KISS1R: variants seen among roughly 807,000 people sequenced by gnomAD.
The protein encoded by KISS1R is KISS1 receptor.
KISS1R carries 19 observed loss-of-function variants against 22.0 expected under a neutral mutation model. The observed-to-expected ratio is 0.86, with a 90% CI of 0.60 to 1.26. KISS1R has a LOEUF of 1.26. Among genes scored for constraint, KISS1R ranks in the 50% most tolerant of loss-of-function variants. KISS1R has a pLI of 0.00. For missense variants in KISS1R, 653 were observed against 581.9 expected, an observed-to-expected ratio of 1.12 and a Z score of -1.26; for synonymous variants, 302 against 283.9, an observed-to-expected ratio of 1.06 and a Z score of -0.64.
chr19:920,935 T>C lies in KISS1R; in HGVS notation c.*187T>C, dbSNP rs2037117315. 1.7e-6 allele frequency: 1 copy of C among 580,226 alleles called. No homozygotes were observed. Among genetic ancestry groups the C allele is most frequent in the Non-Finnish European group, 2.5e-6 (1 of 396,416 alleles). 35.9% of individuals were successfully genotyped at this position (580,226 alleles called of 1,614,324 possible). A position where few individuals can be genotyped will look rare whatever the true frequency, so the allele number is the denominator to read the frequency against. On this transcript the variant is annotated 3_prime_UTR_variant, in exon 5 of 5. Coordinates refer to ENST00000234371, the MANE Select transcript of KISS1R (RefSeq NM_032551.5). ...TGATATTGAAATTATGACTTCTGTG[T>C]TTCCTGAAATTAAACATGTGTCAAC...
In KISS1R at chr19:917,602, G is replaced by A; in HGVS notation, c.100G>A (p.Val34Ile). 6.4e-7 allele frequency: 1 copy of A among 1,559,894 alleles called. No homozygotes were observed. Among genetic ancestry groups the A allele is most frequent in the Non-Finnish European group, 8.7e-7 (1 of 1,155,642 alleles). ...TGGCGCCAACGCCTCGGACGGCCCA[G>A]TCCCTTCGCCGCGGGCCGTGGACGC... ...GCGANASDGPVPSPRAVDAWL... is the reference protein window; with the variant it reads ...GCGANASDGPIPSPRAVDAWL... The change falls in exon 1 of 5, where the codon GTC becomes ATC. Residue 34 changes from valine (V) to isoleucine (I), a missense_variant. Coordinates refer to ENST00000234371, the MANE Select transcript of KISS1R (RefSeq NM_032551.5).
In KISS1R at chr19:917,463, A is replaced by C. The variant is rs1001581233; in HGVS notation, c.-40A>C. Reference sequence around the variant, plus strand: ...GGTCCCCGGGGCGGTGCCAGGGCGCAATCCTGGAGGGCGGCCGGGAGGAGG... The same window carrying C: ...GGTCCCCGGGGCGGTGCCAGGGCGCCATCCTGGAGGGCGGCCGGGAGGAGG... On this transcript the variant is annotated 5_prime_UTR_variant, in exon 1 of 5. Coordinates refer to ENST00000234371, the MANE Select transcript of KISS1R (RefSeq NM_032551.5). 21 of 1,410,414 alleles carry C rather than the reference A, an allele frequency of 1.5e-5. No homozygotes were observed. In the Admixed American group the frequency reaches 4.6e-4, roughly 31 times the overall value. The allele number at this position is 1,410,414 out of a possible 1,614,324, so 87.4% of individuals were successfully genotyped here.
chr19:920,220 G>A, intron 4 of KISS1R, 70 bp from the exon 5 acceptor site: 1 of 1,528,418 alleles, frequency 6.5e-7, no homozygotes, highest in East Asian at 2.5e-5. Flanking sequence ...GTCCAGGAGG[G>A]GCGGTGCGAG....
chr19:918,536 C>T lies in KISS1R; in HGVS notation c.245-8C>T. The stretch of plus-strand genomic sequence containing the variant: ...CCCACGCCCAGCGCCCGCGCATCCC[C>T]ACCGCAGCCAACCTGGCGGCCACGG... On this transcript the variant is annotated splice_region_variant and splice_polypyrimidine_tract_variant and intron_variant, in intron 1 of 4. Transcript: ENST00000234371. The T allele has an allele frequency of 6.5e-7, 1 of 1,547,356 alleles. No homozygotes were observed. Among genetic ancestry groups the T allele is most frequent in the Non-Finnish European group, 8.7e-7 (1 of 1,146,834 alleles).
chr19:917,753 G>A lies in KISS1R; in HGVS notation c.244+7G>A. The A allele has an allele frequency of 6.3e-7, 1 of 1,595,516 alleles. No homozygotes were observed. Among genetic ancestry groups the A allele is most frequent in the Non-Finnish European group, 8.5e-7 (1 of 1,169,868 alleles). Reference sequence around the variant, plus strand: ...GTGACCAACTTCTACATCGGTGAGTGCGGGCGCTGCGCCGCACCTGCTGCC... The same window carrying A: ...GTGACCAACTTCTACATCGGTGAGTACGGGCGCTGCGCCGCACCTGCTGCC... On this transcript the variant is annotated splice_region_variant and intron_variant, in intron 1 of 4. Transcript: ENST00000234371.
At chr19:920,261 G>A in intron 4 of KISS1R, 29 bp from the exon 5 acceptor site, 1 of 1,560,626 alleles carries the variant, frequency 6.4e-7, no homozygotes. Flanking sequence ...CCAGCCTTTC[G>A]TCTAACCACC....
Position 917,718 on chromosome 19 carries a change from G to A in KISS1R, c.216G>A (p.Pro72=), listed in dbSNP as rs780363542. Residue 72 remains proline, a synonymous_variant, in exon 1 of 5, where the codon CCG becomes CCA. Transcript: ENST00000234371. ...LVIYVICRHK[P]MRTVTNFYIA... is the part of the protein sequence containing the mutation. ...TCTACGTCATCTGCCGCCACAAGCC[G>A]ATGCGGACCGTGACCAACTTCTACA... The A allele has an allele frequency of 3.9e-5, 62 of 1,606,784 alleles. No individual in the cohort carries two copies. The Admixed American group carries it at 9.9e-4, about 26-fold the overall frequency.
chr19:918,406 GGGGGA>G (rs200838864), intron 1 of KISS1R, 133 bp from the exon 2 acceptor site: 12,880 of 696,310 alleles, frequency 0.018, 4 homozygotes, highest in African/African-American at 0.027. Context: ...CAGGGGCGCT[GGGGGA>G]GGGGGGGGCC....
chr19:917,470 G>A lies in KISS1R; in HGVS notation c.-33G>A, dbSNP rs952187137. On this transcript the variant is annotated 5_prime_UTR_variant, in exon 1 of 5. Transcript: ENST00000234371. ...GGGGCGGTGCCAGGGCGCAATCCTG[G>A]AGGGCGGCCGGGAGGAGGAGGTGCG... 1.4e-6 allele frequency: 2 copies of A among 1,433,314 alleles called. No individual in the cohort carries two copies. Among genetic ancestry groups the A allele is most frequent in the East Asian group, 2.8e-5 (1 of 35,370 alleles). 88.8% of individuals were successfully genotyped at this position (1,433,314 alleles called of 1,614,324 possible). A position where few individuals can be genotyped will look rare whatever the true frequency, so the allele number is the denominator to read the frequency against.
rs530108557 is a variant in KISS1R, at chr19:919,048, G to A, written c.369+380G>A. On this transcript the variant is annotated intron_variant, in intron 2 of 4. Transcript: ENST00000234371. ...GAAGGGAGGACGGACCTTGGGCGGGGCGCGAGGCAACGCATAGGAGAACCA... is the reference window on the plus strand; with the variant it reads ...GAAGGGAGGACGGACCTTGGGCGGGACGCGAGGCAACGCATAGGAGAACCA... Among the ~76,000 whole-genome samples, 283 of 150,970 alleles carry A rather than the reference G, an allele frequency of 1.9e-3. 1 individual carries two copies. The highest frequency in any genetic ancestry group is 6.3e-3 in the African/African-American group (257 of 41,026).
intron 4 of KISS1R, 57 bp from the exon 5 acceptor site, chr19:920,233 G>T: frequency 6.5e-7 from 1 of 1,536,518 alleles, no homozygotes; most frequent in Admixed American, 1.9e-5. Context: ...GGTGCGAGGG[G>T]ATGAGCTGAG....
At position 919,928 on chromosome 19, in the gene KISS1R, C is replaced by T. The variant is rs1341328855; in HGVS notation, c.560C>T (p.Pro187Leu). Residue 187 changes from proline (P) to leucine (L), a missense_variant, in exon 4 of 5, where the codon CCG becomes CTG. Physicochemically the swap from Pro to Leu is moderately conservative, Grantham distance 98. Coordinates refer to ENST00000234371, the MANE Select transcript of KISS1R (RefSeq NM_032551.5). The part of the protein sequence containing the change: ...VLALHRLSPG[P>L]RAYCSEAFPS... ...GCCCTGCACCGCCTGTCACCCGGGC[C>T]GCGCGCCTACTGCAGTGAGGCCTTC... 10 of 1,561,176 alleles carry T rather than the reference C, an allele frequency of 6.4e-6. No homozygotes were observed. The South Asian group carries it at 9.3e-5, about 15-fold the overall frequency.
At position 919,865 on chromosome 19, in the gene KISS1R, G is replaced by C; in HGVS notation, c.506-9G>C. ...CCGAGCGGGGTCTTCATCCTGGCTT[G>C]TGGCACAGGCTCTGCGGCGGTGTCT... On this transcript the variant is annotated splice_polypyrimidine_tract_variant and intron_variant, in intron 3 of 4. Transcript: ENST00000234371. 1 of 1,536,882 alleles carries C rather than the reference G, an allele frequency of 6.5e-7. No homozygotes were observed. Among genetic ancestry groups the C allele is most frequent in the Non-Finnish European group, 8.7e-7 (1 of 1,146,386 alleles).
intron 1 of KISS1R, among the ~76,000 whole-genome samples, chr19:918,033 C>T (rs1350032930): frequency 6.6e-6 from 1 of 152,192 alleles, no homozygotes; most frequent in Admixed American, 6.5e-5. Context: ...CGCGGGCCAA[C>T]GGCTCGGTGT....
chr19:919,755 C>A (rs1255741855), intron 3 of KISS1R, 119 bp from the exon 4 acceptor site: 3 of 1,496,222 alleles, frequency 2.0e-6, no homozygotes, highest in East Asian at 2.5e-5. Context: ...CTAGGGCCAG[C>A]GAGGCTGCAG....
chr19:918,720 G>T, intron 2 of KISS1R, 52 bp downstream of exon 2: 3 of 1,529,366 alleles, frequency 2.0e-6, no homozygotes. Context: ...GGGCGGGGGT[G>T]CGCTCCGCAG....
chr19:917,398 T>G lies in KISS1R; in HGVS notation c.-105T>G. ...TGCGGACCCCAGCCGAGCCCCTTCC[T>G]GAGTTCCACAGGCGCAGCCCCCGGG... On this transcript the variant is annotated 5_prime_UTR_variant, in exon 1 of 5. Transcript: ENST00000234371. 2 of 1,305,420 alleles carry G rather than the reference T, an allele frequency of 1.5e-6. No individual in the cohort carries two copies. The highest frequency in any genetic ancestry group is 2.0e-6 in the Non-Finnish European group (2 of 1,013,390). The allele number at this position is 1,305,420 out of a possible 1,614,324, so 80.9% of individuals were successfully genotyped here.
chr19:917,807 C>A (rs1045987092), intron 1 of KISS1R, 61 bp downstream of exon 1: 2 of 1,523,002 alleles, frequency 1.3e-6, no homozygotes, highest in African/African-American at 1.4e-5. Flanking sequence ...GCCGAGCGGC[C>A]TGGGGCGCCC....
At position 917,610 on chromosome 19, in the gene KISS1R, G is replaced by A; in HGVS notation, c.108G>A (p.Ser36=). ...GANASDGPVP[S]PRAVDAWLVP... is the part of the protein sequence containing the mutation. ...ACGCCTCGGACGGCCCAGTCCCTTCGCCGCGGGCCGTGGACGCCTGGCTCG... is the reference window on the plus strand; with the variant it reads ...ACGCCTCGGACGGCCCAGTCCCTTCACCGCGGGCCGTGGACGCCTGGCTCG... Residue 36 remains serine, a synonymous_variant, in exon 1 of 5, where the codon TCG becomes TCA. Transcript: ENST00000234371. 1 of 1,566,338 alleles carries A rather than the reference G, an allele frequency of 6.4e-7. No individual in the cohort carries two copies. Among genetic ancestry groups the A allele is most frequent in the Non-Finnish European group, 8.6e-7 (1 of 1,158,564 alleles).
Sources: gnomAD v4.1 joint callset for allele counts (sites outside exome capture counted in the v4.1 genomes callset) on GRCh38, gnomAD v4.1.1 for gene constraint, MANE v1.5 for transcripts, NCBI Gene and HGNC (gene_info 2026-07-23, HGNC 2026-07-21) for gene names.